Variants in NPAS2 observed in about 807,000 individuals in gnomAD.
The protein encoded by NPAS2 is neuronal PAS domain-containing protein 2.
NPAS2 carries 23 observed loss-of-function variants against 107.5 expected under a neutral mutation model. The ratio of observed to expected loss-of-function variants is 0.21; its 90% CI spans 0.15 to 0.30. The LOEUF is 0.30. Ranked by LOEUF, NPAS2 falls within the 10% of genes least tolerant of loss-of-function variation. The pLI is 1.00. For synonymous variants in NPAS2, 403 were observed against 417.5 expected (o/e 0.97, Z 0.42); for missense variants, 756 against 1,043.3 (o/e 0.72, Z 3.79).
intron 1 of NPAS2, among the ~76,000 whole-genome samples, chr2:100,874,426 CAT>C (rs1558828916): frequency 1.3e-5 from 2 of 152,118 alleles, no homozygotes; most frequent in African/African-American, 4.8e-5. Flanking sequence ...TGAGAATTCT[CAT>C]ATAGCAACTA....
chr2:100,884,920 A>C (rs1417658528), intron 1 of NPAS2, among the ~76,000 whole-genome samples: 1 of 151,204 alleles, frequency 6.6e-6, no homozygotes, highest in Non-Finnish European at 1.5e-5. Flanking sequence ...CTCCCTAACG[A>C]AAATGGCCTA....
Position 100,980,163 on chromosome 2 carries a change from A to T in NPAS2, c.1483-2068A>T, listed in dbSNP as rs949203298. Reference sequence around the variant, plus strand: ...TGGGGTGTCTGGGAGGCCTTGAAAAAATCCGAATAACGTGAGAGGCAGCCA... The same window carrying T: ...TGGGGTGTCTGGGAGGCCTTGAAAATATCCGAATAACGTGAGAGGCAGCCA... On this transcript the variant is annotated intron_variant, in intron 15 of 20. Transcript: ENST00000335681. Among the ~76,000 whole-genome samples, 4 of 152,242 alleles carry T rather than the reference A, an allele frequency of 2.6e-5. No homozygotes were observed. The East Asian group carries it at 7.7e-4, about 29-fold the overall frequency.
At chr2:100,879,796 A>G (rs1217358824) in intron 1 of NPAS2, among the ~76,000 whole-genome samples, 2 of 152,196 alleles carry the variant, frequency 1.3e-5, no homozygotes, top group Non-Finnish European at 2.9e-5. Context: ...AAAAACAACC[A>G]TCAACAAGGG....
At chr2:100,914,985 C>T (rs1049510216) in intron 2 of NPAS2, among the ~76,000 whole-genome samples, 6 of 152,190 alleles carry the variant, frequency 3.9e-5, no homozygotes, top group African/African-American at 7.2e-5. Flanking sequence ...CAGAAGTGGG[C>T]CTCTGCTGAC....
At chr2:100,936,979 C>CAA (rs34968729) in intron 4 of NPAS2, among the ~76,000 whole-genome samples, 825 of 74,210 alleles carry the variant, frequency 0.011, 9 homozygotes, top group African/African-American at 0.024. Context: ...GACTCCATCT[C>CAA]AAAAAAAAAA....
At chr2:100,829,730 G>A (rs928084700) in intron 1 of NPAS2, among the ~76,000 whole-genome samples, 2 of 152,132 alleles carry the variant, frequency 1.3e-5, no homozygotes, top group East Asian at 1.9e-4. Context: ...TCCTCATCTT[G>A]TTCCAGTTAT....
At chr2:100,901,673 G>A (rs758304873) in intron 1 of NPAS2, 14 of 347,738 alleles carry the variant, frequency 4.0e-5, no homozygotes, top group Non-Finnish European at 5.7e-5. Flanking sequence ...CGCCTCCTAT[G>A]GGACACACTC....
intron 1 of NPAS2, among the ~76,000 whole-genome samples, chr2:100,888,781 C>G (rs1231309862): frequency 6.6e-6 from 1 of 152,144 alleles, no homozygotes; most frequent in African/African-American, 2.4e-5. Flanking sequence ...CCTGTGCCTT[C>G]TAATTCTGAT....
chr2:100,895,732 G>A (rs1681374284), intron 1 of NPAS2, among the ~76,000 whole-genome samples: 1 of 152,178 alleles, frequency 6.6e-6, no homozygotes, highest in South Asian at 2.1e-4. Context: ...GGTCCTCACA[G>A]TCCTGTTTGC....
intron 1 of NPAS2, among the ~76,000 whole-genome samples, chr2:100,844,497 A>C (rs1677646835): frequency 6.6e-6 from 1 of 152,166 alleles, no homozygotes; most frequent in Non-Finnish European, 1.5e-5. Flanking sequence ...GATTCTGAAC[A>C]GTTTTCTGCA....
chr2:100,963,179 C>T (rs1676010852), intron 7 of NPAS2, among the ~76,000 whole-genome samples: 1 of 152,232 alleles, frequency 6.6e-6, no homozygotes, highest in Non-Finnish European at 1.5e-5. Context: ...TCAGCCTGGG[C>T]TCCCAAGGGG....
At chr2:100,857,915 A>G (rs1678686275) in intron 1 of NPAS2, among the ~76,000 whole-genome samples, 1 of 152,202 alleles carries the variant, frequency 6.6e-6, no homozygotes, top group Non-Finnish European at 1.5e-5. Context: ...GAAGAAGCAC[A>G]TTGCCTTAAT....
intron 1 of NPAS2, among the ~76,000 whole-genome samples, chr2:100,843,568 C>T (rs1374006175): frequency 1.3e-5 from 2 of 152,102 alleles, no homozygotes; most frequent in Non-Finnish European, 2.9e-5. Context: ...ATAGTTTGTC[C>T]TATATACTGA....
chr2:100,990,554 G>C lies in NPAS2; in HGVS notation c.2018+108G>C, dbSNP rs1417911399. 3 of 1,253,780 alleles carry C rather than the reference G, an allele frequency of 2.4e-6. No homozygotes were observed. The African/African-American group carries it at 4.5e-5, about 19-fold the overall frequency. The allele number at this position is 1,253,780 out of a possible 1,614,324, so 77.7% of individuals were successfully genotyped here. ...AGGCAGAGTTCAGACAGATTCTAAA[G>C]TGTCCACAGTTGATCTCAGCTAAGG... On this transcript the variant is annotated intron_variant, in intron 18 of 20. Transcript: ENST00000335681.
intron 1 of NPAS2, among the ~76,000 whole-genome samples, chr2:100,873,039 A>G (rs1241327653): frequency 6.6e-6 from 1 of 151,884 alleles, no homozygotes; most frequent in Non-Finnish European, 1.5e-5. Context: ...GCAGTGTCTC[A>G]TGCCTGTAAC....
rs146053755 is a variant in NPAS2, at chr2:100,990,326, C to A, written c.1898C>A (p.Pro633Gln). The A allele has an allele frequency of 1.2e-6, 2 of 1,614,032 alleles. No homozygotes were observed. The change falls in exon 18 of 21, where the codon CCG (proline) becomes CAG (glutamine). Residue 633 changes from proline to glutamine, a missense_variant. Pro to Gln is a moderately conservative substitution (Grantham distance 76). Coordinates refer to ENST00000335681, the MANE Select transcript of NPAS2 (RefSeq NM_002518.4). ...SGRSGSSLVS[P>Q]FSSATAALPP... The stretch of plus-strand genomic sequence containing the variant: ...CGCTCTGGAAGCAGCCTAGTGTCCC[C>A]GTTCAGCAGCGCCACAGCTGCGCTC...
intron 1 of NPAS2, among the ~76,000 whole-genome samples, chr2:100,826,117 G>A (rs930177805): frequency 6.6e-6 from 1 of 152,082 alleles, no homozygotes; most frequent in African/African-American, 2.4e-5. Flanking sequence ...GTCATTTTTG[G>A]CGCATTTACA....
intron 1 of NPAS2, among the ~76,000 whole-genome samples, chr2:100,885,514 C>A (rs1228489424): frequency 6.6e-6 from 1 of 151,986 alleles, no homozygotes; most frequent in East Asian, 1.9e-4. Flanking sequence ...TAAATGAACT[C>A]TATAATTTAG....
chr2:100,882,426 A>G (rs573190628), intron 1 of NPAS2, among the ~76,000 whole-genome samples: 3,449 of 149,848 alleles, frequency 0.023, 38 homozygotes, highest in African/African-American at 0.028. Context: ...TGGCTAACAC[A>G]GTGAAACCCC....
Sources: allele counts gnomAD v4.1 joint callset (sites outside exome capture counted in the v4.1 genomes callset), GRCh38; gene constraint gnomAD v4.1.1; transcripts MANE v1.5; gene names NCBI Gene and HGNC (gene_info 2026-07-23, HGNC 2026-07-21).